Variants in SNX29 observed in about 807,000 individuals in gnomAD.
SNX29 encodes sorting nexin 29.
In SNX29, 78 loss-of-function variants were observed where a neutral mutation model predicts 102.1. The ratio of observed to expected loss-of-function variants is 0.76; its 90% confidence interval spans 0.64 to 0.92. The LOEUF is 0.92. Ranked by LOEUF, SNX29 falls within the 40% of genes least tolerant of loss-of-function variation. The pLI is 0.00. For missense variants in SNX29, 1,280 were observed against 1,061.7 expected (o/e 1.21, Z -2.86); for synonymous variants, 580 against 414.5 (o/e 1.40, Z -4.85).
At chr16:12,132,649 G>T (rs569945362) in intron 13 of SNX29, among the ~76,000 whole-genome samples, 1 of 152,306 alleles carries the variant, frequency 6.6e-6, no homozygotes, top group South Asian at 2.1e-4. Context: ...GTGTTTTAGT[G>T]CATGACAATT....
At chr16:12,315,839 C>T (rs1038348619) in intron 15 of SNX29, among the ~76,000 whole-genome samples, 4 of 152,302 alleles carry the variant, frequency 2.6e-5, no homozygotes, top group Admixed American at 1.3e-4. Context: ...GAGTTTGTCA[C>T]CCCTGCTCTA....
chr16:12,348,558 G>T (rs1253409599), intron 15 of SNX29, among the ~76,000 whole-genome samples: 1 of 152,106 alleles, frequency 6.6e-6, no homozygotes, highest in African/African-American at 2.4e-5. Flanking sequence ...ACATGTGTGT[G>T]TGTGTGACAG....
rs2079136254 is a variant in SNX29, at chr16:12,569,347, CCT to C, written c.*720_*721del. On this transcript the variant is annotated 3_prime_UTR_variant, in exon 21 of 21. Transcript: ENST00000566228. Reference sequence around the variant, plus strand: ...CTCCATAGCCTGAGGCCACCTAGGCCCTCGCCAGGCTTGGAGTGGGGGGACTC... The same window carrying C: ...CTCCATAGCCTGAGGCCACCTAGGCCCGCCAGGCTTGGAGTGGGGGGACTC... 1 of 230,340 alleles carries C rather than the reference CCT, an allele frequency of 4.3e-6. No individual in the cohort carries two copies. Among genetic ancestry groups the C allele is most frequent in the Non-Finnish European group, 8.6e-6 (1 of 116,286 alleles). 14.3% of individuals were successfully genotyped at this position (230,340 alleles called of 1,614,324 possible).
chr16:12,243,712 G>A (rs1460423068), intron 14 of SNX29, among the ~76,000 whole-genome samples: 1 of 152,124 alleles, frequency 6.6e-6, no homozygotes, highest in Non-Finnish European at 1.5e-5. Context: ...ATCAGAGGCT[G>A]GATTGCAGGC....
chr16:12,398,671 G>T (rs1235805919), intron 17 of SNX29, among the ~76,000 whole-genome samples, 170 bp downstream of exon 17: 1 of 151,652 alleles, frequency 6.6e-6, no homozygotes, highest in East Asian at 1.9e-4. Context: ...CCTCAGTCTC[G>T]CCCTCAGATG....
chr16:12,373,247 C>G (rs1002533982), intron 16 of SNX29, among the ~76,000 whole-genome samples: 1 of 152,222 alleles, frequency 6.6e-6, no homozygotes, highest in Non-Finnish European at 1.5e-5. Flanking sequence ...GTCCTCCCAC[C>G]TCAGCCTCCT....
intron 11 of SNX29, chr16:12,090,161 ACT>A: frequency 6.5e-6 from 1 of 152,678 alleles, no homozygotes; most frequent in Non-Finnish European, 1.5e-5. Flanking sequence ...TTCCTTAAAG[ACT>A]CTCTGGTCCC....
intron 19 of SNX29, among the ~76,000 whole-genome samples, chr16:12,503,494 C>A (rs1254707243): frequency 6.6e-6 from 1 of 152,048 alleles, no homozygotes; most frequent in Non-Finnish European, 1.5e-5. Context: ...GTGACCAGAA[C>A]AATAAGTGGG....
chr16:12,573,598 A>AT lies in SNX29; in HGVS notation c.*4973dup, dbSNP rs1204656073. On this transcript the variant is annotated 3_prime_UTR_variant, in exon 21 of 21. Transcript: ENST00000566228. ...CCAGGCTTCCCCCACTTCCCCTCAA[A>AT]TTTTCTCAGCTCTGCCGCTGGTCTC... 4.5e-6 allele frequency: 1 copy of AT among 221,340 alleles called. No homozygotes were observed. Among genetic ancestry groups the AT allele is most frequent in the Non-Finnish European group, 9.0e-6 (1 of 110,660 alleles). The allele number at this position is 221,340 out of a possible 1,614,324, so 13.7% of individuals were successfully genotyped here.
intron 1 of SNX29, among the ~76,000 whole-genome samples, chr16:11,998,528 G>C (rs144243007): frequency 6.6e-6 from 1 of 152,308 alleles, no homozygotes; most frequent in African/African-American, 2.4e-5. Context: ...CCAACTCAGT[G>C]ATATCAGGGC....
intron 18 of SNX29, among the ~76,000 whole-genome samples, chr16:12,470,770 T>A (rs2087299984): frequency 6.6e-6 from 1 of 152,256 alleles, no homozygotes; most frequent in South Asian, 2.1e-4. Flanking sequence ...TTGCACATCC[T>A]ATAATTAGCC....
rs1289430186 is a variant in SNX29 at position 12,319,719 on chromosome 16, T to C, written c.1783-36444T>C. Reference sequence around the variant, plus strand: ...TTGTCTCGGCCATAGCTCTCTGTAGTGTGCTCTGGGCTCTGTGTGCCCAGA... The same window carrying C: ...TTGTCTCGGCCATAGCTCTCTGTAGCGTGCTCTGGGCTCTGTGTGCCCAGA... On this transcript the variant is annotated intron_variant, in intron 15 of 20. Coordinates refer to ENST00000566228, the MANE Select transcript of SNX29 (RefSeq NM_032167.5). Among the ~76,000 whole-genome samples, 23 of 152,120 alleles carry C rather than the reference T, an allele frequency of 1.5e-4. 1 individual carries two copies. Among genetic ancestry groups the C allele is most frequent in the Admixed American group, 1.4e-3 (21 of 15,278 alleles).
chr16:12,543,388 C>T (rs557400315), intron 20 of SNX29, among the ~76,000 whole-genome samples: 28 of 152,272 alleles, frequency 1.8e-4, no homozygotes, highest in East Asian at 7.7e-4. Flanking sequence ...CATGATTATC[C>T]AGAAGGAGGG....
chr16:12,367,532 C>T (rs1158662408), intron 16 of SNX29: 1 of 152,200 alleles, frequency 6.6e-6, no homozygotes, highest in African/African-American at 2.4e-5. Flanking sequence ...AAAACCCCAT[C>T]CCAAGTTTTG....
intron 13 of SNX29, among the ~76,000 whole-genome samples, chr16:12,185,665 T>G (rs765713932): frequency 7.9e-5 from 12 of 152,234 alleles, no homozygotes; most frequent in Admixed American, 2.0e-4. Flanking sequence ...TGTTTCTGCC[T>G]GTAGTCTCAA....
At chr16:12,252,827 C>A (rs2078461050) in intron 14 of SNX29, among the ~76,000 whole-genome samples, 1 of 152,230 alleles carries the variant, frequency 6.6e-6, no homozygotes, top group South Asian at 2.1e-4. Context: ...TGTCTCCAAG[C>A]AGCACGGTGC....
intron 20 of SNX29, among the ~76,000 whole-genome samples, chr16:12,543,249 G>A (rs747735829): frequency 6.6e-6 from 1 of 152,182 alleles, no homozygotes; most frequent in Non-Finnish European, 1.5e-5. Flanking sequence ...GATTCTGAAT[G>A]ATGCAGCTCT....
intron 2 of SNX29, 124 bp from the exon 3 acceptor site, chr16:12,002,867 T>C: frequency 4.8e-6 from 5 of 1,032,988 alleles, no homozygotes; most frequent in Non-Finnish European, 7.4e-6. Context: ...ACGTCCTCAC[T>C]TGGCATGCAG....
chr16:12,361,018 G>A (rs916194410), intron 16 of SNX29, among the ~76,000 whole-genome samples: 1 of 152,192 alleles, frequency 6.6e-6, no homozygotes, highest in African/African-American at 2.4e-5. Flanking sequence ...GTCCCCTTAC[G>A]GTACCCATTT....
Sources: allele counts gnomAD v4.1 joint callset (sites outside exome capture counted in the v4.1 genomes callset), GRCh38; gene constraint gnomAD v4.1.1; transcripts MANE v1.5; gene names NCBI Gene and HGNC (gene_info 2026-07-23, HGNC 2026-07-21).